The following PRORP variants were observed in gnomAD, a reference collection of about 807,000 sequenced individuals.
PRORP encodes protein only RNase P catalytic subunit.
A neutral mutation model predicts 59.4 loss-of-function variants in PRORP; 51 were observed. The observed-to-expected ratio is 0.86, with a 90% CI of 0.69 to 1.08. PRORP has a LOEUF of 1.08. Ranked by LOEUF, PRORP falls within the 50% of genes least tolerant of loss-of-function variation. The probability of loss-of-function intolerance (pLI) is 0.00; values close to 1 mark genes in which losing one functional copy is unlikely to be tolerated. For synonymous variants in PRORP, 231 were observed against 245.6 expected (o/e 0.94, Z 0.55); for missense variants, 646 against 690.3 (o/e 0.94, Z 0.72).
intron 5 of PRORP, among the ~76,000 whole-genome samples, chr14:35,190,992 T>A (rs535293420): frequency 6.6e-6 from 1 of 152,348 alleles, no homozygotes; most frequent in East Asian, 1.9e-4. Flanking sequence ...GTTCATGGAT[T>A]TCTTTTTATG....
intron 4 of PRORP, among the ~76,000 whole-genome samples, chr14:35,136,381 GT>G (rs1037029931): frequency 6.7e-5 from 10 of 148,386 alleles, no homozygotes; most frequent in Admixed American, 6.8e-5. Context: ...TGTTTTTTTG[GT>G]TTTTTTTTTG....
intron 5 of PRORP, among the ~76,000 whole-genome samples, chr14:35,205,409 C>CG (rs1161801745): frequency 1.6e-4 from 25 of 152,132 alleles, no homozygotes; most frequent in Admixed American, 1.4e-3. Context: ...AGACTGGTCT[C>CG]GAACTCCTGA....
chr14:35,167,242 G>T (rs2048206898), intron 4 of PRORP, among the ~76,000 whole-genome samples: 1 of 152,188 alleles, frequency 6.6e-6, no homozygotes, highest in South Asian at 2.1e-4. Context: ...GGATTGAGTG[G>T]TAAAGTAAAC....
chr14:35,191,742 A>G (rs1371831810), intron 5 of PRORP, among the ~76,000 whole-genome samples: 5 of 152,138 alleles, frequency 3.3e-5, no homozygotes, highest in African/African-American at 1.2e-4. Flanking sequence ...AAAAAGAAAC[A>G]AAAACTGGGG....
At position 35,131,428 on chromosome 14, in the gene PRORP, A is replaced by G. The variant is rs140469318; in HGVS notation, c.1167+3817A>G. Among the ~76,000 whole-genome samples the G allele has an allele frequency of 1.9e-3, 289 of 152,068 alleles. 1 individual carries two copies. The highest frequency in any genetic ancestry group is 4.3e-3 in the Admixed American group (65 of 15,280). On this transcript the variant is annotated intron_variant, in intron 4 of 7. Transcript: ENST00000534898. ...TTTCCTTCAGCACTTTAAATATGTC[A>G]TGCCATTCTTTCCTGGCCTGTAAGG...
At chr14:35,170,238 T>C (rs141365538) in intron 4 of PRORP, among the ~76,000 whole-genome samples, 3 of 152,308 alleles carry the variant, frequency 2.0e-5, no homozygotes, top group African/African-American at 4.8e-5. Flanking sequence ...AAGGTTGGAT[T>C]TAAGCATTTT....
chr14:35,171,706 G>A (rs2048315669), intron 4 of PRORP, among the ~76,000 whole-genome samples: 1 of 151,892 alleles, frequency 6.6e-6, no homozygotes, highest in African/African-American at 2.4e-5. Flanking sequence ...TCAAATTTGG[G>A]GATGTTTTGG....
intron 5 of PRORP, among the ~76,000 whole-genome samples, chr14:35,253,726 A>G (rs964400798): frequency 4.7e-4 from 72 of 152,128 alleles, no homozygotes; most frequent in African/African-American, 1.7e-3. Flanking sequence ...TCCCCGTAGC[A>G]CTGGTACATA....
chr14:35,263,932 G>T (rs1292797306), intron 5 of PRORP, among the ~76,000 whole-genome samples: 1 of 151,900 alleles, frequency 6.6e-6, no homozygotes, highest in Non-Finnish European at 1.5e-5. Context: ...ACATGAAGTG[G>T]GCAAGTTGTG....
chr14:35,129,720 C>G (rs1177424660), intron 4 of PRORP, among the ~76,000 whole-genome samples: 1 of 151,922 alleles, frequency 6.6e-6, no homozygotes, highest in Admixed American at 6.6e-5. Flanking sequence ...ACCTCATGAT[C>G]TGCCTTCCTC....
intron 5 of PRORP, among the ~76,000 whole-genome samples, chr14:35,221,873 A>G (rs1012661150): frequency 2.6e-5 from 4 of 152,098 alleles, no homozygotes; most frequent in Admixed American, 2.0e-4. Context: ...TAGTGGTTGT[A>G]TATTAATATA....
Position 35,154,280 on chromosome 14 carries a change from G to T in PRORP, c.1168-26390G>T, listed in dbSNP as rs75989632. Among the ~76,000 whole-genome samples the T allele has an allele frequency of 0.023, 3,550 of 152,278 alleles. 325 individuals are homozygous for T. The East Asian group carries it at 0.34, about 15-fold the overall frequency. On this transcript the variant is annotated intron_variant, in intron 4 of 7. Coordinates refer to ENST00000534898, the MANE Select transcript of PRORP (RefSeq NM_014672.4). ...CTGTATGTAGCACAGTGTCAGTTTG[G>T]GAGGGAAGGAAGGCAGCATCAAATC...
intron 5 of PRORP, among the ~76,000 whole-genome samples, chr14:35,258,767 C>T (rs28461608): frequency 0.11 from 16,196 of 152,066 alleles, 914 homozygotes; most frequent in Middle Eastern, 0.16. Flanking sequence ...TAGAATGAAC[C>T]GCGTATTGTT....
intron 4 of PRORP, among the ~76,000 whole-genome samples, chr14:35,135,557 A>T (rs1358944481): frequency 6.6e-6 from 1 of 152,184 alleles, no homozygotes; most frequent in African/African-American, 2.4e-5. Context: ...GAGCAGTGGC[A>T]TCCAGGAGAG....
intron 5 of PRORP, among the ~76,000 whole-genome samples, 181 bp downstream of exon 5, chr14:35,180,958 G>A (rs965722459): frequency 2.0e-5 from 3 of 152,012 alleles, no homozygotes; most frequent in South Asian, 2.1e-4. Flanking sequence ...CTAATAAGTC[G>A]CTCTTCAAGG....
At chr14:35,158,896 G>C (rs1595211366) in intron 4 of PRORP, 1 of 302,330 alleles carries the variant, frequency 3.3e-6, no homozygotes, top group East Asian at 9.4e-5. Context: ...GTTGATTAAT[G>C]TTGTCTTTCC....
chr14:35,176,257 G>T (rs1161429304), intron 4 of PRORP, among the ~76,000 whole-genome samples: 1 of 152,078 alleles, frequency 6.6e-6, no homozygotes, highest in African/African-American at 2.4e-5. Context: ...CTTTAAAGTA[G>T]TTTTTTCCAA....
intron 4 of PRORP, among the ~76,000 whole-genome samples, chr14:35,175,653 TGAG>T (rs2048430039): frequency 6.6e-6 from 1 of 151,894 alleles, no homozygotes; most frequent in African/African-American, 2.4e-5. Context: ...CTTTGTCAGA[TGAG>T]TAGATAGCAA....
At chr14:35,164,071 G>A (rs557454797) in intron 4 of PRORP, among the ~76,000 whole-genome samples, 4 of 152,258 alleles carry the variant, frequency 2.6e-5, no homozygotes, top group African/African-American at 9.6e-5. Context: ...TCGAAAATCA[G>A]TTGTATGTGA....
Sources: allele counts gnomAD v4.1 joint callset (sites outside exome capture counted in the v4.1 genomes callset), GRCh38; gene constraint gnomAD v4.1.1; transcripts MANE v1.5; gene names NCBI Gene and HGNC (gene_info 2026-07-23, HGNC 2026-07-21).